Variants in SEMA3A observed in about 807,000 individuals in gnomAD.
The protein encoded by SEMA3A is semaphorin-3A.
SEMA3A carries 29 observed loss-of-function variants against 97.9 expected under a neutral mutation model. The ratio of observed to expected loss-of-function variants is 0.30; its 90% confidence interval spans 0.22 to 0.40. The LOEUF (loss-of-function observed/expected upper bound fraction) is 0.40, where lower values mean the gene tolerates loss of function less well. Among genes scored for constraint, SEMA3A ranks in the 10% least tolerant of loss-of-function variants. The pLI, the probability that SEMA3A is intolerant of heterozygous loss-of-function variation, is 1.00. For synonymous variants in SEMA3A, 321 were observed against 323.7 expected, an observed-to-expected ratio of 0.99 and a Z score of 0.09; for missense variants, 763 against 951.3, an observed-to-expected ratio of 0.80 and a Z score of 2.60.
intron 4 of SEMA3A, among the ~76,000 whole-genome samples, chr7:84,085,454 T>C (rs1277000431): frequency 6.6e-6 from 1 of 151,480 alleles, no homozygotes; most frequent in Non-Finnish European, 1.5e-5. Context: ...TGAACACATA[T>C]GGAAGTGAAA....
intron 1 of SEMA3A, among the ~76,000 whole-genome samples, chr7:84,429,286 T>C (rs1804905905): frequency 6.6e-6 from 1 of 151,542 alleles, no homozygotes; most frequent in African/African-American, 2.4e-5. Context: ...TTCTTACCTA[T>C]ACAGATACTT....
chr7:84,320,328 C>T (rs140959783), intron 2 of SEMA3A, among the ~76,000 whole-genome samples: 2 of 151,794 alleles, frequency 1.3e-5, no homozygotes, highest in East Asian at 1.9e-4. Context: ...AGGCTTTTTG[C>T]TTACTCTGTT....
intron 1 of SEMA3A, among the ~76,000 whole-genome samples, chr7:84,439,864 A>T (rs543968683): frequency 6.6e-6 from 1 of 152,328 alleles, no homozygotes; most frequent in African/African-American, 2.4e-5. Context: ...ATGTATTTTT[A>T]AATGATGAAA....
intron 1 of SEMA3A, among the ~76,000 whole-genome samples, chr7:84,144,050 G>C (rs1007178867): frequency 7.3e-5 from 11 of 150,984 alleles, no homozygotes; most frequent in South Asian, 2.1e-4. Flanking sequence ...AGGTAAATTA[G>C]TATGAGGGCA....
chr7:84,379,933 T>C (rs1478168217), intron 1 of SEMA3A, among the ~76,000 whole-genome samples: 1 of 152,198 alleles, frequency 6.6e-6, no homozygotes, highest in African/African-American at 2.4e-5. Context: ...GCATCTAATT[T>C]GGGGCTATTT....
chr7:84,236,072 T>G (rs150752999), intron 3 of SEMA3A, among the ~76,000 whole-genome samples: 3 of 152,268 alleles, frequency 2.0e-5, no homozygotes, highest in Non-Finnish European at 4.4e-5. Context: ...CAGCCTGATG[T>G]CACCTCAAAT....
At chr7:84,292,537 GAGC>G (rs1800775685) in intron 3 of SEMA3A, among the ~76,000 whole-genome samples, 4 of 151,592 alleles carry the variant, frequency 2.6e-5, no homozygotes, top group African/African-American at 9.7e-5. Flanking sequence ...TGTAAGAGAA[GAGC>G]CTTTATTCTG....
intron 6 of SEMA3A, among the ~76,000 whole-genome samples, chr7:84,032,590 A>G (rs73376876): frequency 0.05 from 7,548 of 152,268 alleles, 630 homozygotes; most frequent in African/African-American, 0.17. Flanking sequence ...CAGATAATTT[A>G]TAGCATAATT....
intron 2 of SEMA3A, among the ~76,000 whole-genome samples, chr7:84,348,791 T>C (rs1802367835): frequency 6.6e-6 from 1 of 152,266 alleles, no homozygotes; most frequent in Non-Finnish European, 1.5e-5. Context: ...GAGACCAGCC[T>C]GGCCAACATG....
chr7:84,449,367 A>C (rs569892418), intron 1 of SEMA3A, among the ~76,000 whole-genome samples: 1 of 152,318 alleles, frequency 6.6e-6, no homozygotes, highest in African/African-American at 2.4e-5. Flanking sequence ...ACAAATCAAT[A>C]AAATGAAAAC....
chr7:84,140,901 G>T (rs2116070999), intron 1 of SEMA3A, among the ~76,000 whole-genome samples: 1 of 152,174 alleles, frequency 6.6e-6, no homozygotes, highest in Non-Finnish European at 1.5e-5. Flanking sequence ...TTTATTTTAT[G>T]AACAAAATGA....
At chr7:84,324,896 A>G (rs985165652) in intron 2 of SEMA3A, among the ~76,000 whole-genome samples, 3 of 152,180 alleles carry the variant, frequency 2.0e-5, no homozygotes, top group African/African-American at 7.2e-5. Context: ...TGTATAAGGC[A>G]TGTGTGGCAT....
intron 3 of SEMA3A, among the ~76,000 whole-genome samples, chr7:84,232,482 T>C (rs1799138390): frequency 6.6e-6 from 1 of 150,978 alleles, no homozygotes; most frequent in African/African-American, 2.4e-5. Context: ...TCAGTAAAGA[T>C]ACAAAAGATT....
At chr7:84,413,927 A>G (rs34814672) in intron 1 of SEMA3A, among the ~76,000 whole-genome samples, 17,012 of 152,108 alleles carry the variant, frequency 0.11, 1,197 homozygotes, top group East Asian at 0.28. Flanking sequence ...AAGCAGTCCT[A>G]TGCATCATTT....
chr7:84,194,828 C>T (rs1798168626), upstream of SEMA3A: 1 of 310,908 alleles, frequency 3.2e-6, no homozygotes, highest in Admixed American at 4.9e-5. Flanking sequence ...GAGCCAGGCA[C>T]CGGATAATGA....
rs183320450 is a variant in SEMA3A, at chr7:84,388,081, T to C, written c.-245-16181A>G. On this transcript the variant is annotated intron_variant, in intron 1 of 3. Transcript: ENST00000424555. ...AAAAAAGATGCTTAAGGCAGAGAAA[T>C]ACCTGTCCTCTAAACCTATATAAAT... Among the ~76,000 whole-genome samples, 519 of 152,266 alleles carry C rather than the reference T, an allele frequency of 3.4e-3. 1 individual carries two copies. Among genetic ancestry groups the C allele is most frequent in the Non-Finnish European group, 5.7e-3 (389 of 68,000 alleles).
intron 11 of SEMA3A, among the ~76,000 whole-genome samples, chr7:84,002,815 C>T (rs1444558359): frequency 6.6e-6 from 1 of 152,046 alleles, no homozygotes; most frequent in Admixed American, 6.6e-5. Context: ...AGATTTCAAA[C>T]CTTATTTGTT....
At chr7:84,247,480 A>T (rs556506674) in intron 3 of SEMA3A, among the ~76,000 whole-genome samples, 1 of 152,294 alleles carries the variant, frequency 6.6e-6, no homozygotes, top group South Asian at 2.1e-4. Flanking sequence ...TGGATAACAT[A>T]TGTAATTGGG....
chr7:84,000,248 G>A (rs1234173193), intron 12 of SEMA3A, among the ~76,000 whole-genome samples: 2 of 151,748 alleles, frequency 1.3e-5, no homozygotes, highest in Non-Finnish European at 2.9e-5. Context: ...TGTTCATTGG[G>A]GTAATCTATG....
Sources: gnomAD v4.1 joint callset for allele counts (sites outside exome capture counted in the v4.1 genomes callset) on GRCh38, gnomAD v4.1.1 for gene constraint, MANE v1.5 for transcripts, NCBI Gene and HGNC (gene_info 2026-07-23, HGNC 2026-07-21) for gene names.